INTS6: variants seen among roughly 807,000 people sequenced by gnomAD.
The protein encoded by INTS6 is integrator complex subunit 6, also known as DEAD box protein.
In INTS6, 16 loss-of-function variants were observed where a neutral mutation model predicts 104.9. The ratio of observed to expected loss-of-function variants is 0.15; its 90% CI spans 0.10 to 0.23. The LOEUF (loss-of-function observed/expected upper bound fraction) is 0.23, where lower values mean the gene tolerates loss of function less well. Among genes scored for constraint, INTS6 ranks in the 10% least tolerant of loss-of-function variants. The pLI, the probability that INTS6 is intolerant of heterozygous loss-of-function variation, is 1.00. For synonymous variants in INTS6, 324 were observed against 358.7 expected, an observed-to-expected ratio of 0.90 and a Z score of 1.09; for missense variants, 584 against 1,062.8, an observed-to-expected ratio of 0.55 and a Z score of 6.26.
chr13:51,398,225 A>G (rs1379903766), intron 4 of INTS6, among the ~76,000 whole-genome samples: 1 of 152,196 alleles, frequency 6.6e-6, no homozygotes, highest in Non-Finnish European at 1.5e-5. Flanking sequence ...CTCCAGGTTT[A>G]AAGTTTACAG....
intron 4 of INTS6, among the ~76,000 whole-genome samples, chr13:51,400,739 G>A (rs1296519177): frequency 6.6e-6 from 1 of 152,184 alleles, no homozygotes; most frequent in East Asian, 1.9e-4. Flanking sequence ...TTTTAGATAT[G>A]TGTAGTAAAA....
chr13:51,425,521 GA>G (rs139970159), intron 4 of INTS6, among the ~76,000 whole-genome samples: 1,815 of 152,102 alleles, frequency 0.012, 33 homozygotes, highest in African/African-American at 0.041. Context: ...CTCAATATTT[GA>G]AAGACAATAC....
chr13:51,412,859 C>T (rs1048340860), intron 4 of INTS6, among the ~76,000 whole-genome samples: 5 of 152,118 alleles, frequency 3.3e-5, no homozygotes, highest in African/African-American at 4.8e-5. Flanking sequence ...ATCAAGTGTG[C>T]AAAATTCTCC....
At chr13:51,389,517 T>C (rs1204684576) in intron 5 of INTS6, 73 bp from the exon 6 acceptor site, 1 of 1,395,512 alleles carries the variant, frequency 7.2e-7, no homozygotes, top group Non-Finnish European at 9.4e-7. Context: ...ATTCCTATCA[T>C]TAGCAAGAAA....
At chr13:51,441,695 G>A (rs1453683159) in intron 3 of INTS6, 1 of 152,080 alleles carries the variant, frequency 6.6e-6, no homozygotes, top group African/African-American at 2.4e-5. Context: ...GAAACTTAAA[G>A]TATGAAGCAC....
chr13:51,337,445 G>A, the INTS6 span, among the ~76,000 whole-genome samples: 6 of 152,298 alleles, frequency 3.9e-5, no homozygotes, highest in South Asian at 1.2e-3. Context: ...GGTAAATGTG[G>A]GCAAAGTGAA....
At chr13:51,344,689 C>A in the INTS6 span, among the ~76,000 whole-genome samples, 3 of 151,922 alleles carry the variant, frequency 2.0e-5, no homozygotes, top group African/African-American at 7.3e-5. Context: ...CTCTCCCACA[C>A]AAATATACAC....
intron 4 of INTS6, among the ~76,000 whole-genome samples, chr13:51,414,809 A>ATATG (rs950908858): frequency 3.4e-5 from 5 of 148,322 alleles, no homozygotes; most frequent in Non-Finnish European, 7.4e-5. Flanking sequence ...TTCCTTCTAT[A>ATATG]TATGTATGTA....
At position 51,452,660 on chromosome 13, in the gene INTS6, C is replaced by T; in HGVS notation, c.-135G>A. On this transcript the variant is annotated 5_prime_UTR_variant, in exon 1 of 18. Coordinates refer to ENST00000311234, the MANE Select transcript of INTS6 (RefSeq NM_012141.3). The surrounding 1 kb of genome is among the most constrained non-coding windows in gnomAD (Gnocchi z 4.2). ...CCCGGGAGGAAAACACTGTCTGGGT[C>T]TTTCCTCCGGCTGCGGGGAGTTTCT... The T allele has an allele frequency of 6.9e-7, 1 of 1,446,948 alleles. No homozygotes were observed. The allele number at this position is 1,446,948 out of a possible 1,614,324, so 89.6% of individuals were successfully genotyped here. A position where few individuals can be genotyped will look rare whatever the true frequency, so the allele number is the denominator to read the frequency against.
Position 51,364,541 on chromosome 13 carries a change from T to C in INTS6, c.*1211A>G, listed in dbSNP as rs371092009. On this transcript the variant is annotated 3_prime_UTR_variant, in exon 18 of 18. Coordinates refer to ENST00000311234, the MANE Select transcript of INTS6 (RefSeq NM_012141.3). ...TAAAAGGCACAGCAGTGATCATGAA[T>C]GGTGAGTGAGTCAGGCCATAAGATT... is the stretch of plus-strand genomic sequence containing the variant. 2.0e-5 allele frequency: 7 copies of C among 347,404 alleles called. No homozygotes were observed. The highest frequency in any genetic ancestry group is 3.6e-5 in the Non-Finnish European group (7 of 193,670). 21.5% of individuals were successfully genotyped at this position (347,404 alleles called of 1,614,324 possible). A position where few individuals can be genotyped will look rare whatever the true frequency, so the allele number is the denominator to read the frequency against.
At chr13:51,430,222 T>C in intron 4 of INTS6, 72 bp downstream of exon 4, 1 of 1,262,704 alleles carries the variant, frequency 7.9e-7, no homozygotes, top group African/African-American at 1.5e-5. Flanking sequence ...ATTAAAGGTG[T>C]TCAGTATCCT....
At chr13:51,403,482 T>C (rs1266613504) in intron 4 of INTS6, among the ~76,000 whole-genome samples, 1 of 146,984 alleles carries the variant, frequency 6.8e-6, no homozygotes, top group African/African-American at 2.5e-5. Context: ...CTCAGAAGGC[T>C]GAGGCAGAAG....
chr13:51,450,078 GA>G, intron 3 of INTS6: 9 of 985,328 alleles, frequency 9.1e-6, no homozygotes, highest in Non-Finnish European at 1.1e-5. Flanking sequence ...GAATTTCCCT[GA>G]AATGTACGAA....
downstream of INTS6, among the ~76,000 whole-genome samples, chr13:51,358,250 A>G (rs1241824388): frequency 6.6e-6 from 1 of 152,142 alleles, no homozygotes; most frequent in Non-Finnish European, 1.5e-5. Flanking sequence ...TCTGGCAATA[A>G]CATTTTAAAA....
Position 51,452,113 on chromosome 13 carries a change from G to C in INTS6, c.112-58C>G. 6.5e-7 allele frequency: 1 copy of C among 1,534,216 alleles called. No homozygotes were observed. The highest frequency in any genetic ancestry group is 9.0e-7 in the Non-Finnish European group (1 of 1,117,078). ...CAGGGAAGCACAGAGGCGAGGTTAC[G>C]AGGCGGAGAAGGGGCGCCCAGCGGC... On this transcript the variant is annotated intron_variant, in intron 1 of 17. Coordinates refer to ENST00000311234, the MANE Select transcript of INTS6 (RefSeq NM_012141.3). The surrounding 1 kb of genome is among the most constrained non-coding windows in gnomAD (Gnocchi z 4.2).
downstream of INTS6, among the ~76,000 whole-genome samples, chr13:51,358,777 C>T (rs1317012729): frequency 6.6e-6 from 1 of 151,828 alleles, no homozygotes; most frequent in East Asian, 1.9e-4. Context: ...GGAGAGTATG[C>T]CAGGAGGGAG....
Position 51,364,783 on chromosome 13 carries a change from A to G in INTS6, c.*969T>C, listed in dbSNP as rs1955654033. The G allele has an allele frequency of 6.6e-6, 1 of 152,582 alleles. No homozygotes were observed. The highest frequency in any genetic ancestry group is 2.1e-4 in the South Asian group (1 of 4,830). 9.5% of individuals were successfully genotyped at this position (152,582 alleles called of 1,614,324 possible). ...CTCCAATTTGTTGTGGGCTTTTGCA[A>G]GCATGGCATGAAGCTGCTAAAGGCT... On this transcript the variant is annotated 3_prime_UTR_variant, in exon 18 of 18. Coordinates refer to ENST00000311234, the MANE Select transcript of INTS6 (RefSeq NM_012141.3).
chr13:51,375,739 G>A lies in INTS6; in HGVS notation c.1729+309C>T, dbSNP rs867845745. On this transcript the variant is annotated intron_variant, in intron 13 of 17. Coordinates refer to ENST00000311234, the MANE Select transcript of INTS6 (RefSeq NM_012141.3). ...AGTATACAGTTTGATAAGTGGGTGT[G>A]TGTGTGTGTGTGTGTGTGTGTGTGT... Among the ~76,000 whole-genome samples, 817 of 134,902 alleles carry A rather than the reference G, an allele frequency of 6.1e-3. 5 individuals carry two copies. Among genetic ancestry groups the A allele is most frequent in the African/African-American group, 0.024 (789 of 32,528 alleles). 88.5% of individuals were successfully genotyped at this position (134,902 alleles called of 152,430 possible).
At chr13:51,418,024 C>T (rs536607239) in intron 4 of INTS6, among the ~76,000 whole-genome samples, 6 of 152,132 alleles carry the variant, frequency 3.9e-5, no homozygotes, top group Non-Finnish European at 5.9e-5. Context: ...TTTTCCTCAC[C>T]GTCACAGAAT....
Sources: allele counts gnomAD v4.1 joint callset (sites outside exome capture counted in the v4.1 genomes callset), GRCh38; gene constraint gnomAD v4.1.1; non-coding constraint Gnocchi (gnomAD v3.1); transcripts MANE v1.5; gene names NCBI Gene and HGNC (gene_info 2026-07-23, HGNC 2026-07-21).